Variants in TRAF3IP1 observed in about 807,000 individuals in gnomAD.
The protein encoded by TRAF3IP1 is TRAF3-interacting protein 1.
TRAF3IP1 carries 53 observed loss-of-function variants against 89.9 expected under a neutral mutation model. That is an observed-to-expected ratio of 0.59 (90% confidence interval 0.47 to 0.74). The LOEUF (loss-of-function observed/expected upper bound fraction) is 0.74, where lower values mean the gene tolerates loss of function less well. Among genes scored for constraint, TRAF3IP1 ranks in the 30% least tolerant of loss-of-function variants. The probability of loss-of-function intolerance (pLI) is 0.00; values close to 1 mark genes in which losing one functional copy is unlikely to be tolerated. For synonymous variants in TRAF3IP1, 311 were observed against 322.1 expected, an observed-to-expected ratio of 0.97 and a Z score of 0.37; for missense variants, 806 against 866.1, an observed-to-expected ratio of 0.93 and a Z score of 0.87.
In TRAF3IP1 at chr2:238,391,338, G is replaced by A. The variant is rs575025122; in HGVS notation, c.1690-6121G>A. On this transcript the variant is annotated intron_variant, in intron 15 of 16. Coordinates refer to ENST00000373327, the MANE Select transcript of TRAF3IP1 (RefSeq NM_015650.4). ...GGTAATAGATCCTCAAACTACTATT[G>A]GATTAAAAGTCTTTAAAAACAAGGT... Among the ~76,000 whole-genome samples the A allele has an allele frequency of 4.6e-5, 7 of 152,224 alleles. No individual in the cohort carries two copies. In the South Asian group the frequency reaches 1.5e-3, roughly 32 times the overall value.
chr2:238,386,683 A>G lies in TRAF3IP1; in HGVS notation c.1690-10776A>G, dbSNP rs555082851. Among the ~76,000 whole-genome samples, 115 of 152,298 alleles carry G rather than the reference A, an allele frequency of 7.6e-4. 1 individual carries two copies. The Middle Eastern group carries it at 0.01, about 14-fold the overall frequency. On this transcript the variant is annotated intron_variant, in intron 15 of 16. Transcript: ENST00000373327. ...AACCCTATCTCTGGTTTAGTTGGGT[A>G]TGACAAGAATAACCCAACTCATAAA...
intron 5 of TRAF3IP1, among the ~76,000 whole-genome samples, chr2:238,331,299 TAA>T (rs61126298): frequency 1.3e-3 from 160 of 120,010 alleles, no homozygotes; most frequent in South Asian, 2.1e-3. Context: ...CCATCTCTAC[TAA>T]AAAAAAAAAA....
chr2:238,383,754 A>AC (rs1371484926), intron 15 of TRAF3IP1, among the ~76,000 whole-genome samples: 4 of 151,948 alleles, frequency 2.6e-5, no homozygotes, highest in African/African-American at 9.7e-5. Context: ...TAGGAGCTAA[A>AC]CCCGTTTTAT....
In TRAF3IP1 at chr2:238,400,704, G is replaced by A. The variant is rs1701425645; in HGVS notation, c.*1785G>A. On this transcript the variant is annotated 3_prime_UTR_variant, in exon 17 of 17. Transcript: ENST00000373327. ...AAATGACTTAGCCATGACCCTGAAT[G>A]GACCTTGTTTTACTTCAAGTTGAGA... The A allele has an allele frequency of 6.6e-6, 1 of 152,116 alleles. No homozygotes were observed. The highest frequency in any genetic ancestry group is 1.5e-5 in the Non-Finnish European group (1 of 68,034). 9.4% of individuals were successfully genotyped at this position (152,116 alleles called of 1,614,324 possible).
chr2:238,320,817 C>T, intron 1 of TRAF3IP1, 32 bp downstream of exon 1: 4 of 1,365,494 alleles, frequency 2.9e-6, no homozygotes, highest in Non-Finnish European at 3.8e-6. Flanking sequence ...CGGCCAGGTG[C>T]GGGTCGGGAT....
chr2:238,351,900 TGTATGC>T lies in TRAF3IP1; in HGVS notation c.1452-924_1452-919del, dbSNP rs1450666109. Among the ~76,000 whole-genome samples the T allele has an allele frequency of 1.3e-5, 2 of 150,290 alleles. No homozygotes were observed. Among genetic ancestry groups the T allele is most frequent in the Non-Finnish European group, 3.0e-5 (2 of 67,332 alleles). On this transcript the variant is annotated intron_variant, in intron 12 of 16. Coordinates refer to ENST00000373327, the MANE Select transcript of TRAF3IP1 (RefSeq NM_015650.4). The surrounding 1 kb of genome is among the most constrained non-coding windows in gnomAD (Gnocchi z 5.2). ...GCGCGTGTGCGTGCATGTGCTTGTG[TGTATGC>T]GTGTGTGTGTGTGTGTGTGTGTATG...
chr2:238,354,735 C>A (rs1436519131), intron 14 of TRAF3IP1, among the ~76,000 whole-genome samples: 1 of 152,164 alleles, frequency 6.6e-6, no homozygotes, highest in Non-Finnish European at 1.5e-5. Context: ...ACTGCAACCT[C>A]TGCCTCCCGG....
chr2:238,320,592 C>T lies in TRAF3IP1; in HGVS notation c.-71C>T, dbSNP rs1697469664. The T allele has an allele frequency of 1.8e-6, 2 of 1,106,770 alleles. No individual in the cohort carries two copies. Among genetic ancestry groups the T allele is most frequent in the Admixed American group, 5.2e-5 (1 of 19,296 alleles). The allele number at this position is 1,106,770 out of a possible 1,614,324, so 68.6% of individuals were successfully genotyped here. ...CGGCGGCGGCGGGGCCGGCGGCGGCCAGGGACCCGGGCTTAGGCTCGGCCA... is the reference window on the plus strand; with the variant it reads ...CGGCGGCGGCGGGGCCGGCGGCGGCTAGGGACCCGGGCTTAGGCTCGGCCA... On this transcript the variant is annotated 5_prime_UTR_variant, in exon 1 of 17. Coordinates refer to ENST00000373327, the MANE Select transcript of TRAF3IP1 (RefSeq NM_015650.4).
At chr2:238,388,794 A>G (rs974247204) in intron 15 of TRAF3IP1, among the ~76,000 whole-genome samples, 1 of 151,716 alleles carries the variant, frequency 6.6e-6, no homozygotes, top group Non-Finnish European at 1.5e-5. Flanking sequence ...AACATGCACC[A>G]CTATGCCTGG....
intron 15 of TRAF3IP1, among the ~76,000 whole-genome samples, chr2:238,358,570 C>A (rs959526245): frequency 1.3e-5 from 2 of 152,128 alleles, no homozygotes; most frequent in Non-Finnish European, 2.9e-5. Context: ...GTCCTTTTTC[C>A]CCCTGCCCCA....
chr2:238,377,083 T>A (rs1286856273), intron 15 of TRAF3IP1, among the ~76,000 whole-genome samples: 3 of 152,198 alleles, frequency 2.0e-5, no homozygotes, highest in African/African-American at 7.2e-5. Context: ...CTGTGTCATC[T>A]GAAAGTCCTG....
intron 11 of TRAF3IP1, 133 bp from the exon 12 acceptor site, chr2:238,349,192 A>T (rs774577188): frequency 1.3e-5 from 10 of 794,250 alleles, no homozygotes; most frequent in Non-Finnish European, 1.8e-5. Context: ...TCTTCTGCAG[A>T]GTAGCGTGTC....
chr2:238,346,782 T>C (rs942616068), intron 9 of TRAF3IP1, among the ~76,000 whole-genome samples: 2 of 152,248 alleles, frequency 1.3e-5, no homozygotes, highest in African/African-American at 4.8e-5. Context: ...TTTCTGCTCT[T>C]CTGCAAATGC....
intron 3 of TRAF3IP1, 71 bp downstream of exon 3, chr2:238,326,041 C>CAAA: frequency 6.6e-7 from 1 of 1,512,900 alleles, no homozygotes; most frequent in Admixed American, 2.0e-5. Flanking sequence ...GTGAGGGACT[C>CAAA]ACATGTGCGG....
At chr2:238,369,952 G>T (rs1486032635) in intron 15 of TRAF3IP1, among the ~76,000 whole-genome samples, 2 of 152,130 alleles carry the variant, frequency 1.3e-5, no homozygotes, top group Non-Finnish European at 2.9e-5. Flanking sequence ...AGCTGGCTTT[G>T]TGTCCTTTCA....
Position 238,324,899 on chromosome 2 carries a change from G to A in TRAF3IP1, c.124-407G>A, listed in dbSNP as rs138489352. 1.7e-3 allele frequency among the ~76,000 whole-genome samples: 257 copies of A among 152,298 alleles called. 3 individuals carry two copies. Among genetic ancestry groups the A allele is most frequent in the African/African-American group, 5.6e-3 (234 of 41,562 alleles). ...TTACAGGTGTGAGCCACCACACCCA[G>A]CCGTGTGGACTTTCTTATGTTTGGC... On this transcript the variant is annotated intron_variant, in intron 1 of 16. Coordinates refer to ENST00000373327, the MANE Select transcript of TRAF3IP1 (RefSeq NM_015650.4).
At chr2:238,354,242 C>G (rs934361895) in intron 14 of TRAF3IP1, among the ~76,000 whole-genome samples, 2 of 152,176 alleles carry the variant, frequency 1.3e-5, no homozygotes, top group African/African-American at 4.8e-5. Flanking sequence ...TTTTCTGATA[C>G]GACAAGGTGT....
At chr2:238,353,718 A>C (rs1699280260) in intron 14 of TRAF3IP1, among the ~76,000 whole-genome samples, 1 of 152,046 alleles carries the variant, frequency 6.6e-6, no homozygotes, top group African/African-American at 2.4e-5. Flanking sequence ...ATCACAGGTG[A>C]GTAACGAGGG....
At chr2:238,374,857 G>A (rs1306383609) in intron 15 of TRAF3IP1, among the ~76,000 whole-genome samples, 5 of 152,076 alleles carry the variant, frequency 3.3e-5, no homozygotes, top group African/African-American at 9.7e-5. Context: ...TTTAGTCTTG[G>A]GAGGGTGTAT....
Sources: allele counts gnomAD v4.1 joint callset (sites outside exome capture counted in the v4.1 genomes callset), GRCh38; gene constraint gnomAD v4.1.1; non-coding constraint Gnocchi (gnomAD v3.1); transcripts MANE v1.5; gene names NCBI Gene and HGNC (gene_info 2026-07-23, HGNC 2026-07-21).